ZNF841: variants seen among roughly 807,000 people sequenced by gnomAD.
The protein encoded by ZNF841 is TCONS_00006091.
Under a neutral mutation model 13.0 loss-of-function variants are expected in ZNF841, and 11 were observed. The observed-to-expected ratio is 0.85, with a 90% CI of 0.53 to 1.40. The LOEUF (loss-of-function observed/expected upper bound fraction) is 1.40, where lower values mean the gene tolerates loss of function less well. Ranked by LOEUF, ZNF841 falls within the 40% of genes most tolerant of loss-of-function variation. The pLI, the probability that ZNF841 is intolerant of heterozygous loss-of-function variation, is 0.00. For synonymous variants in ZNF841, 369 were observed against 381.6 expected (o/e 0.97, Z 0.38); for missense variants, 1,068 against 1,139.5 (o/e 0.94, Z 0.90).
chr19:52,078,488 A>T (rs980467138), intron 4 of ZNF841, among the ~76,000 whole-genome samples: 2 of 152,102 alleles, frequency 1.3e-5, no homozygotes, highest in East Asian at 1.9e-4. Context: ...TCACAAGGTC[A>T]GGAGATCGAG....
chr19:52,063,096 C>T (rs1381212646), downstream of ZNF841, among the ~76,000 whole-genome samples: 5 of 152,010 alleles, frequency 3.3e-5, no homozygotes, highest in Admixed American at 6.6e-5. Context: ...AGGATGGTCT[C>T]GATTTCCTGA....
rs753628281 is a variant in ZNF841 at position 52,067,286 on chromosome 19, T to C, written c.596A>G (p.Gln199Arg). The C allele has an allele frequency of 5.2e-6, 8 of 1,551,676 alleles. No individual in the cohort carries two copies. The highest frequency in any genetic ancestry group is 7.0e-6 in the Non-Finnish European group (8 of 1,147,014). Reference sequence around the variant, plus strand: ...ACATCCATAAATTTTCTCTGCAGTTTGAAATTTCTGCAATTCACCCAGACC... The same window carrying C: ...ACATCCATAAATTTTCTCTGCAGTTCGAAATTTCTGCAATTCACCCAGACC... ...QSGLGELQKF[Q>R]TAEKIYGCNQ... Residue 199 changes from glutamine to arginine, a missense_variant, in exon 7 of 7, where the codon CAA becomes CGA. Coordinates refer to ENST00000594440, the MANE Select transcript of ZNF841 (RefSeq NM_001136499.2).
chr19:52,065,639 G>A lies in ZNF841; in HGVS notation c.2243C>T (p.Ser748Phe), dbSNP rs1568534000. 6.2e-7 allele frequency: 1 copy of A among 1,607,852 alleles called. No homozygotes were observed. Among genetic ancestry groups the A allele is most frequent in the East Asian group, 2.2e-5 (1 of 44,602 alleles). The change falls in exon 7 of 7, where the codon TCC becomes TTC. Residue 748 changes from serine to phenylalanine, a missense_variant. Transcript: ENST00000594440. Reference protein sequence around the residue: ...KCIECGKVFNSTTTLARHRRI... With the variant: ...KCIECGKVFNFTTTLARHRRI... ...CCGATGCCTTGCCAGGGTTGTAGTG[G>A]AGTTAAAGACTTTCCCACATTCAAT...
At position 52,064,628 on chromosome 19, in the gene ZNF841, A is replaced by C. The variant is rs2087480049; in HGVS notation, c.*479T>G. The C allele has an allele frequency of 6.5e-6, 1 of 153,866 alleles. No homozygotes were observed. Among genetic ancestry groups the C allele is most frequent in the South Asian group, 2.1e-4 (1 of 4,820 alleles). 9.5% of individuals were successfully genotyped at this position (153,866 alleles called of 1,614,324 possible). On this transcript the variant is annotated 3_prime_UTR_variant, in exon 7 of 7. Transcript: ENST00000594440. ...GAAGAACAAACAAGAGGGAGGTGCCATTCACTTTCGTGCGTGCGTGTGCGT... is the reference window on the plus strand; with the variant it reads ...GAAGAACAAACAAGAGGGAGGTGCCCTTCACTTTCGTGCGTGCGTGTGCGT...
chr19:52,082,809 G>A (rs1012306871), intron 4 of ZNF841, among the ~76,000 whole-genome samples: 4 of 152,200 alleles, frequency 2.6e-5, no homozygotes, highest in Non-Finnish European at 2.9e-5. Flanking sequence ...GGCTGGGCAC[G>A]GTGGCTGACA....
In ZNF841 at chr19:52,064,961, TG is replaced by T; in HGVS notation, c.*145del. On this transcript the variant is annotated 3_prime_UTR_variant, in exon 7 of 7. Coordinates refer to ENST00000594440, the MANE Select transcript of ZNF841 (RefSeq NM_001136499.2). ...TATCACAAGGACAGCAACAAGGGGA[TG>T]GTACTAAAACTTTCTTGAGAAAGCC... 1.6e-6 allele frequency: 1 copy of T among 613,672 alleles called. No individual in the cohort carries two copies. Among genetic ancestry groups the T allele is most frequent in the Non-Finnish European group, 2.7e-6 (1 of 369,126 alleles). 38.0% of individuals were successfully genotyped at this position (613,672 alleles called of 1,614,324 possible).
chr19:52,065,750 C>T lies in ZNF841; in HGVS notation c.2132G>A (p.Cys711Tyr). 1.2e-6 allele frequency: 2 copies of T among 1,608,000 alleles called. No homozygotes were observed. The highest frequency in any genetic ancestry group is 1.7e-6 in the Non-Finnish European group (2 of 1,176,674). The change falls in exon 7 of 7, where the codon TGT becomes TAT. Residue 711 changes from cysteine (C) to tyrosine (Y), a missense_variant. Cys to Tyr is a radical substitution (Grantham distance 194). Coordinates refer to ENST00000594440, the MANE Select transcript of ZNF841 (RefSeq NM_001136499.2). ...ACTAAAAGTTCTACCACATTCACTA[C>T]ATTTGTGTGGTTTCTCCCCAGTAGG... is the stretch of plus-strand genomic sequence containing the variant. Reference protein sequence around the residue: ...RNPTGEKPHKCSECGRTFSHK... With the variant: ...RNPTGEKPHKYSECGRTFSHK...
chr19:52,092,022 A>T (rs574769423), intron 2 of ZNF841, among the ~76,000 whole-genome samples: 2 of 152,156 alleles, frequency 1.3e-5, no homozygotes, highest in Admixed American at 1.3e-4. Flanking sequence ...GCAACCTGTA[A>T]TACCAGCTAC....
chr19:52,092,036 G>A (rs1020764303), intron 2 of ZNF841, among the ~76,000 whole-genome samples: 19 of 151,964 alleles, frequency 1.3e-4, no homozygotes, highest in Non-Finnish European at 2.2e-4. Flanking sequence ...CAGCTACTAC[G>A]GGGGCTGAGG....
chr19:52,081,971 A>T (rs889562525), intron 4 of ZNF841, among the ~76,000 whole-genome samples: 1 of 152,246 alleles, frequency 6.6e-6, no homozygotes, highest in African/African-American at 2.4e-5. Flanking sequence ...AGTGAACTCA[A>T]AGGGGATTTT....
chr19:52,062,704 C>T (rs2123186615), downstream of ZNF841, among the ~76,000 whole-genome samples: 1 of 152,156 alleles, frequency 6.6e-6, no homozygotes, highest in Middle Eastern at 3.4e-3. Context: ...CTGAATTGGC[C>T]ATTTCCACAC....
intron 5 of ZNF841, 23 bp downstream of exon 5, chr19:52,076,935 T>A (rs1568542120): frequency 6.2e-7 from 1 of 1,609,444 alleles, no homozygotes; most frequent in South Asian, 1.1e-5. Context: ...AGATCCTAAC[T>A]TCTGGAGGAA....
chr19:52,067,744 T>C, intron 6 of ZNF841, 134 bp from the exon 7 acceptor site: 1 of 558,078 alleles, frequency 1.8e-6, no homozygotes, highest in South Asian at 7.9e-5. Flanking sequence ...GATCTTCTAT[T>C]TGTAGAAATG....
At chr19:52,089,771 G>C (rs917092884) in intron 2 of ZNF841, among the ~76,000 whole-genome samples, 2 of 152,034 alleles carry the variant, frequency 1.3e-5, no homozygotes, top group Non-Finnish European at 2.9e-5. Flanking sequence ...ACCACACTTG[G>C]GACAGGTGCA....
At chr19:52,083,424 T>A (rs2088163981) in intron 4 of ZNF841, among the ~76,000 whole-genome samples, 1 of 143,436 alleles carries the variant, frequency 7.0e-6, no homozygotes, top group African/African-American at 2.6e-5. Flanking sequence ...GTCCCACTCT[T>A]TAAAAAAAAA....
intron 6 of ZNF841, among the ~76,000 whole-genome samples, chr19:52,075,680 T>C (rs2087876226): frequency 6.6e-6 from 1 of 152,140 alleles, no homozygotes; most frequent in Non-Finnish European, 1.5e-5. Flanking sequence ...CCAATCTATA[T>C]GGATCAGAGA....
At chr19:52,073,287 G>A (rs1013252487) in intron 6 of ZNF841, among the ~76,000 whole-genome samples, 5 of 151,412 alleles carry the variant, frequency 3.3e-5, no homozygotes, top group African/African-American at 1.2e-4. Flanking sequence ...CAAAATACAA[G>A]TTGTTGTTTT....
At chr19:52,070,626 G>A (rs1291534572) in intron 6 of ZNF841, among the ~76,000 whole-genome samples, 1 of 152,220 alleles carries the variant, frequency 6.6e-6, no homozygotes, top group Non-Finnish European at 1.5e-5. Context: ...ACAGTTTGCT[G>A]TTTGATCATA....
chr19:52,095,186 G>C (rs1411971147), intron 1 of ZNF841, among the ~76,000 whole-genome samples: 1 of 152,192 alleles, frequency 6.6e-6, no homozygotes, highest in Non-Finnish European at 1.5e-5. Flanking sequence ...TCCCAACGGG[G>C]AGTCAAGAAA....
Sources: allele counts gnomAD v4.1 joint callset (sites outside exome capture counted in the v4.1 genomes callset), GRCh38; gene constraint gnomAD v4.1.1; transcripts MANE v1.5; gene names NCBI Gene and HGNC (gene_info 2026-07-23, HGNC 2026-07-21).